PPP6R3: variants seen among roughly 807,000 people sequenced by gnomAD.
PPP6R3 encodes protein phosphatase 6 regulatory subunit 3, also known as serine/threonine-protein phosphatase 6 regulatory subunit 3.
In PPP6R3, 38 loss-of-function variants were observed where a neutral mutation model predicts 110.7. The ratio of observed to expected loss-of-function variants is 0.34; its 90% CI spans 0.26 to 0.45. PPP6R3 has a LOEUF of 0.45. Ranked by LOEUF, PPP6R3 falls within the 20% of genes least tolerant of loss-of-function variation. PPP6R3 has a pLI of 1.00. For synonymous variants in PPP6R3, 369 were observed against 373.5 expected (o/e 0.99, Z 0.14); for missense variants, 870 against 1,062.4 (o/e 0.82, Z 2.52).
At chr11:68,511,041 C>T (rs377139046) in intron 1 of PPP6R3, among the ~76,000 whole-genome samples, 46 of 152,096 alleles carry the variant, frequency 3.0e-4, no homozygotes, top group African/African-American at 1.1e-3. Context: ...TTCATTACAA[C>T]CACGTATACT....
intron 3 of PPP6R3, among the ~76,000 whole-genome samples, chr11:68,542,795 A>T (rs551008933): frequency 6.6e-6 from 1 of 152,218 alleles, no homozygotes; most frequent in South Asian, 2.1e-4. Context: ...AACATTATGC[A>T]TGCTTCTTGA....
intron 2 of PPP6R3, among the ~76,000 whole-genome samples, chr11:68,525,222 A>G (rs2099190249): frequency 6.6e-6 from 1 of 152,270 alleles, no homozygotes; most frequent in African/African-American, 2.4e-5. Flanking sequence ...GGTATGAAGT[A>G]TCTTGTATCT....
chr11:68,525,744 C>T (rs1175935253), intron 2 of PPP6R3, among the ~76,000 whole-genome samples: 1 of 152,084 alleles, frequency 6.6e-6, no homozygotes, highest in Non-Finnish European at 1.5e-5. Flanking sequence ...TTCTTTTTGA[C>T]CATTTGCCAA....
intron 23 of PPP6R3, among the ~76,000 whole-genome samples, chr11:68,612,272 GCTGA>G (rs1177305346): frequency 1.2e-4 from 18 of 152,320 alleles, no homozygotes; most frequent in East Asian, 3.9e-4. Flanking sequence ...TGTGTGCAGA[GCTGA>G]CTTTTTGGCT....
chr11:68,613,921 T>C lies in PPP6R3; in HGVS notation c.*804T>C. 1.0e-6 allele frequency: 1 copy of C among 983,958 alleles called. No individual in the cohort carries two copies. Among genetic ancestry groups the C allele is most frequent in the Non-Finnish European group, 1.2e-6 (1 of 828,638 alleles). 61.0% of individuals were successfully genotyped at this position (983,958 alleles called of 1,614,324 possible). On this transcript the variant is annotated 3_prime_UTR_variant, in exon 24 of 24. Transcript: ENST00000393800. Reference sequence around the variant, plus strand: ...GGATTTTTTTTTTTTTTTTTTGGCTTTTGTTTTTGTTTGTTTTTTTGTTTC... The same window carrying C: ...GGATTTTTTTTTTTTTTTTTTGGCTCTTGTTTTTGTTTGTTTTTTTGTTTC...
chr11:68,517,132 G>A (rs908783844), intron 1 of PPP6R3, among the ~76,000 whole-genome samples: 9 of 149,620 alleles, frequency 6.0e-5, no homozygotes, highest in African/African-American at 1.7e-4. Context: ...TAGAACCCCT[G>A]TTGGTTGGAT....
At chr11:68,539,793 AAAATG>A (rs1360806935) in intron 3 of PPP6R3, among the ~76,000 whole-genome samples, 1 of 152,114 alleles carries the variant, frequency 6.6e-6, no homozygotes, top group Non-Finnish European at 1.5e-5. Flanking sequence ...CCTCTGGAGA[AAAATG>A]AAGCATGACG....
chr11:68,487,581 A>C (rs1322881847), intron 1 of PPP6R3, among the ~76,000 whole-genome samples: 1 of 151,838 alleles, frequency 6.6e-6, no homozygotes, highest in Non-Finnish European at 1.5e-5. Flanking sequence ...AAAAAAAAAA[A>C]TTGTATTTTT....
At chr11:68,546,934 T>G (rs904619526) in intron 4 of PPP6R3, among the ~76,000 whole-genome samples, 1 of 152,208 alleles carries the variant, frequency 6.6e-6, no homozygotes, top group Admixed American at 6.5e-5. Context: ...TAAAAACTTG[T>G]GGGATCCAAT....
At chr11:68,537,042 G>C (rs1300563440) in intron 2 of PPP6R3, among the ~76,000 whole-genome samples, 1 of 152,162 alleles carries the variant, frequency 6.6e-6, no homozygotes, top group African/African-American at 2.4e-5. Flanking sequence ...GGAAGGATGG[G>C]CATGAAGCTG....
chr11:68,600,294 G>T (rs778924600), intron 19 of PPP6R3, 47 bp from the exon 20 acceptor site: 1 of 1,574,052 alleles, frequency 6.4e-7, no homozygotes, highest in South Asian at 1.1e-5. Flanking sequence ...TGTGGTACAT[G>T]AAACGACTGA....
chr11:68,516,343 C>T (rs988274596), intron 1 of PPP6R3, among the ~76,000 whole-genome samples: 3 of 152,098 alleles, frequency 2.0e-5, no homozygotes, highest in African/African-American at 7.2e-5. Context: ...TGGTTGCAGT[C>T]ACAATATGGA....
chr11:68,554,878 G>C (rs900754655), intron 7 of PPP6R3, among the ~76,000 whole-genome samples: 1 of 152,184 alleles, frequency 6.6e-6, no homozygotes, highest in African/African-American at 2.4e-5. Flanking sequence ...AGCTAGCATT[G>C]TTAAGTACTA....
chr11:68,478,647 G>GATTTTTTTTTT (rs1555023462), intron 1 of PPP6R3, among the ~76,000 whole-genome samples: 1 of 50,506 alleles, frequency 2.0e-5, no homozygotes, highest in Admixed American at 3.7e-4. Flanking sequence ...CACTTGGTAA[G>GATTTTTTTTTT]TTTTTTTTTT....
At chr11:68,538,195 A>G (rs890808754) in intron 3 of PPP6R3, among the ~76,000 whole-genome samples, 3 of 152,256 alleles carry the variant, frequency 2.0e-5, no homozygotes, top group African/African-American at 7.2e-5. Flanking sequence ...CTTTGCAAAT[A>G]GGAAGATGGA....
chr11:68,555,605 C>T (rs2099396229), intron 7 of PPP6R3, among the ~76,000 whole-genome samples: 1 of 152,188 alleles, frequency 6.6e-6, no homozygotes, highest in Non-Finnish European at 1.5e-5. Context: ...TCGTGCCACT[C>T]CAAGCCTTCC....
chr11:68,466,880 T>C (rs1270049012), intron 1 of PPP6R3, among the ~76,000 whole-genome samples: 1 of 152,010 alleles, frequency 6.6e-6, no homozygotes, highest in East Asian at 2.0e-4. Context: ...CCCAAAGTGC[T>C]GGGATTACAG....
At chr11:68,602,075 TG>T in intron 21 of PPP6R3, 106 bp downstream of exon 21, 1 of 802,434 alleles carries the variant, frequency 1.2e-6, no homozygotes. Context: ...AGTGAGATGG[TG>T]GGTCTGATGT....
intron 1 of PPP6R3, among the ~76,000 whole-genome samples, chr11:68,472,624 T>C (rs2098800185): frequency 6.6e-6 from 1 of 152,104 alleles, no homozygotes. Flanking sequence ...GGGGTTTTTT[T>C]TTTTTTAATG....
Sources: allele counts gnomAD v4.1 joint callset (sites outside exome capture counted in the v4.1 genomes callset), GRCh38; gene constraint gnomAD v4.1.1; transcripts MANE v1.5; gene names NCBI Gene and HGNC (gene_info 2026-07-23, HGNC 2026-07-21).